The following KAZN variants were observed in gnomAD, a reference collection of about 807,000 sequenced individuals.
KAZN encodes kazrin, periplakin interacting protein.
In KAZN, 40 loss-of-function variants were observed where a neutral mutation model predicts 87.4. The ratio of observed to expected loss-of-function variants is 0.46; its 90% CI spans 0.36 to 0.60. The LOEUF is 0.60. Ranked by LOEUF, KAZN falls within the 20% of genes least tolerant of loss-of-function variation. The pLI, the probability that KAZN is intolerant of heterozygous loss-of-function variation, is 0.00. For missense variants in KAZN, 898 were observed against 1,073.9 expected, an observed-to-expected ratio of 0.84 and a Z score of 2.29; for synonymous variants, 466 against 458.3, an observed-to-expected ratio of 1.02 and a Z score of -0.22.
intron 2 of KAZN, among the ~76,000 whole-genome samples, chr1:14,532,320 T>C (rs995276576): frequency 1.3e-5 from 2 of 152,088 alleles, no homozygotes; most frequent in East Asian, 3.9e-4. Flanking sequence ...GCTTAAGTCC[T>C]GTCATGACTC....
chr1:14,438,563 G>A (rs1185937635), intron 2 of KAZN, among the ~76,000 whole-genome samples: 1 of 152,240 alleles, frequency 6.6e-6, no homozygotes, highest in Non-Finnish European at 1.5e-5. Flanking sequence ...TGGGGCAGGA[G>A]TGTGGGAAAT....
chr1:14,235,570 G>A (rs924214930), intron 2 of KAZN, among the ~76,000 whole-genome samples: 2 of 152,114 alleles, frequency 1.3e-5, no homozygotes, highest in East Asian at 1.9e-4. Context: ...CACTAAAAAC[G>A]TCTGATTTGT....
intron 1 of KAZN, among the ~76,000 whole-genome samples, chr1:14,174,061 A>G (rs1046767218): frequency 5.9e-5 from 9 of 152,244 alleles, no homozygotes; most frequent in African/African-American, 2.2e-4. Flanking sequence ...TTACTTCCAC[A>G]TATTCAGCTT....
intron 2 of KAZN, among the ~76,000 whole-genome samples, chr1:14,580,440 A>C (rs913062482): frequency 1.3e-5 from 2 of 152,072 alleles, no homozygotes; most frequent in Non-Finnish European, 2.9e-5. Context: ...GTGCCATTGC[A>C]CTCCAGCCTG....
chr1:14,278,580 G>A (rs141918264), intron 2 of KAZN, among the ~76,000 whole-genome samples: 7 of 152,162 alleles, frequency 4.6e-5, no homozygotes, highest in Non-Finnish European at 7.4e-5. Context: ...ATGAGCCACC[G>A]CGCCTGGTCT....
intron 2 of KAZN, among the ~76,000 whole-genome samples, chr1:14,302,010 T>G (rs1654590016): frequency 6.6e-6 from 1 of 152,184 alleles, no homozygotes; most frequent in African/African-American, 2.4e-5. Context: ...CTAACTGAGG[T>G]TTTCCTCTTC....
chr1:14,439,560 C>T (rs1039308683), intron 2 of KAZN, among the ~76,000 whole-genome samples: 7 of 152,188 alleles, frequency 4.6e-5, no homozygotes, highest in African/African-American at 9.6e-5. Context: ...GTGATAGGAA[C>T]GTTCTAGATG....
intron 1 of KAZN, among the ~76,000 whole-genome samples, chr1:14,649,136 C>G (rs530999177): frequency 1.3e-5 from 2 of 152,198 alleles, no homozygotes; most frequent in Non-Finnish European, 2.9e-5. Flanking sequence ...CATTAATGCC[C>G]TGGTGGTGGC....
chr1:14,843,267 A>C lies in KAZN; in HGVS notation c.227-117417A>C, dbSNP rs1399352270. Among the ~76,000 whole-genome samples the C allele has an allele frequency of 2.0e-5, 3 of 152,210 alleles. No individual in the cohort carries two copies. In the East Asian group the frequency reaches 5.8e-4, roughly 29 times the overall value. On this transcript the variant is annotated intron_variant, in intron 1 of 14. Transcript: ENST00000376030. ...GTCAAAGGGAGAGAGAATCCAGAAAAGAAACAAATAAAGGTTTGAGAAAAA... is the reference window on the plus strand; with the variant it reads ...GTCAAAGGGAGAGAGAATCCAGAAACGAAACAAATAAAGGTTTGAGAAAAA...
intron 2 of KAZN, among the ~76,000 whole-genome samples, chr1:14,514,693 A>C (rs11807837): frequency 0.83 from 112,922 of 136,104 alleles, 47,153 homozygotes; most frequent in African/African-American, 0.89. Context: ...TAATTCCACC[A>C]AGGGAGTCAG....
intron 2 of KAZN, among the ~76,000 whole-genome samples, chr1:15,028,718 A>G (rs1442121773): frequency 2.0e-5 from 3 of 152,292 alleles, no homozygotes; most frequent in East Asian, 3.9e-4. Context: ...TCATTCCTAA[A>G]GATTCAGTTT....
chr1:15,086,379 C>G (rs1640258801), intron 8 of KAZN, among the ~76,000 whole-genome samples: 1 of 152,170 alleles, frequency 6.6e-6, no homozygotes, highest in African/African-American at 2.4e-5. Flanking sequence ...ATCGTCAAAG[C>G]GCTAAAACAA....
chr1:14,318,952 ATC>A (rs1655845636), intron 2 of KAZN, among the ~76,000 whole-genome samples: 1 of 151,502 alleles, frequency 6.6e-6, no homozygotes, highest in Non-Finnish European at 1.5e-5. Flanking sequence ...AACTTTTAAA[ATC>A]TTTGCTAATT....
At chr1:14,810,375 G>A (rs961686339) in intron 1 of KAZN, among the ~76,000 whole-genome samples, 2 of 151,972 alleles carry the variant, frequency 1.3e-5, no homozygotes, top group African/African-American at 4.8e-5. Flanking sequence ...ATTGTCTGTT[G>A]GCTGATTTTC....
At chr1:14,231,204 C>G (rs1291367525) in intron 2 of KAZN, among the ~76,000 whole-genome samples, 1 of 152,180 alleles carries the variant, frequency 6.6e-6, no homozygotes, top group East Asian at 1.9e-4. Context: ...CTAGGAAATA[C>G]ATGGATCAAA....
At chr1:14,355,384 T>A (rs1396322265) in intron 2 of KAZN, among the ~76,000 whole-genome samples, 2 of 149,802 alleles carry the variant, frequency 1.3e-5, no homozygotes, top group South Asian at 2.2e-4. Context: ...CTGGTTTTTG[T>A]TGTTGAACAA....
intron 2 of KAZN, among the ~76,000 whole-genome samples, chr1:14,224,632 G>A (rs1487664913): frequency 6.6e-6 from 1 of 152,098 alleles, no homozygotes; most frequent in African/African-American, 2.4e-5. Flanking sequence ...TTTGAAAGAA[G>A]CTACCAGCTA....
intron 2 of KAZN, among the ~76,000 whole-genome samples, chr1:14,230,673 C>T (rs750105622): frequency 6.6e-6 from 1 of 152,134 alleles, no homozygotes; most frequent in South Asian, 2.1e-4. Context: ...ACATGTGACT[C>T]CCCTGTAAGA....
At chr1:15,080,088 TG>T (rs1639926605) in intron 8 of KAZN, among the ~76,000 whole-genome samples, 1 of 152,096 alleles carries the variant, frequency 6.6e-6, no homozygotes, top group African/African-American at 2.4e-5. Flanking sequence ...CCTGGCCCTT[TG>T]GAAAATTTTC....
Sources: gnomAD v4.1 joint callset for allele counts (sites outside exome capture counted in the v4.1 genomes callset) on GRCh38, gnomAD v4.1.1 for gene constraint, MANE v1.5 for transcripts, NCBI Gene and HGNC (gene_info 2026-07-23, HGNC 2026-07-21) for gene names.